INPP4B: variants seen among roughly 807,000 people sequenced by gnomAD.
INPP4B encodes inositol polyphosphate-4-phosphatase type II B.
A neutral mutation model predicts 122.5 loss-of-function variants in INPP4B; 55 were observed. The ratio of observed to expected loss-of-function variants is 0.45; its 90% CI spans 0.36 to 0.56. The LOEUF (loss-of-function observed/expected upper bound fraction) is 0.56. Ranked by LOEUF, INPP4B falls within the 20% of genes least tolerant of loss-of-function variation. The probability of loss-of-function intolerance (pLI) is 0.00; values close to 1 mark genes in which losing one functional copy is unlikely to be tolerated. For synonymous variants in INPP4B, 403 were observed against 388.7 expected (o/e 1.04, Z -0.43); for missense variants, 1,000 against 1,097.7 (o/e 0.91, Z 1.26).
chr4:142,457,679 T>C (rs947667693), intron 3 of INPP4B, among the ~76,000 whole-genome samples: 1 of 152,224 alleles, frequency 6.6e-6, no homozygotes, highest in Non-Finnish European at 1.5e-5. Context: ...AACCTTCCAA[T>C]GTATGGATCT....
chr4:142,374,804 TAA>T (rs1370669244), intron 7 of INPP4B, among the ~76,000 whole-genome samples: 1 of 151,892 alleles, frequency 6.6e-6, no homozygotes, highest in African/African-American at 2.4e-5. Flanking sequence ...GAGGTAGGTC[TAA>T]GAGAGGCATT....
At chr4:142,363,024 T>C (rs896396139) in intron 7 of INPP4B, among the ~76,000 whole-genome samples, 3 of 151,888 alleles carry the variant, frequency 2.0e-5, no homozygotes, top group Admixed American at 6.6e-5. Context: ...TGTGGAGGGG[T>C]AAAAGTAATT....
intron 1 of INPP4B, chr4:142,795,652 T>C (rs1292787828): frequency 6.6e-6 from 1 of 152,022 alleles, no homozygotes; most frequent in Non-Finnish European, 1.5e-5. Context: ...ACAGTATCTG[T>C]CACATAGTAG....
chr4:142,519,587 A>G (rs1414114253), intron 2 of INPP4B, among the ~76,000 whole-genome samples: 1 of 152,160 alleles, frequency 6.6e-6, no homozygotes, highest in East Asian at 1.9e-4. Flanking sequence ...GACAGTTTAA[A>G]GCAAATATGA....
At chr4:142,549,247 C>T (rs1217240749) in intron 2 of INPP4B, among the ~76,000 whole-genome samples, 2 of 152,078 alleles carry the variant, frequency 1.3e-5, no homozygotes, top group African/African-American at 2.4e-5. Context: ...TCTATGTTCA[C>T]CCCCATCACT....
At position 142,630,562 on chromosome 4, in the gene INPP4B, C is replaced by G. The variant is rs920857489; in HGVS notation, c.-191+95277G>C. 3.3e-5 allele frequency among the ~76,000 whole-genome samples: 5 copies of G among 152,068 alleles called. No homozygotes were observed. The Middle Eastern group carries it at 0.017, about 517-fold the overall frequency. ...AAATTAATACTGCTACTGAGGGCAA[C>G]TAGAAATCTGGATAAAATGTTATAA... On this transcript the variant is annotated intron_variant, in intron 2 of 25. Transcript: ENST00000262992.
intron 2 of INPP4B, 168 bp from the exon 3 acceptor site, chr4:142,462,894 T>G (rs1042865272): frequency 1.3e-5 from 2 of 152,214 alleles, no homozygotes; most frequent in African/African-American, 2.4e-5. Flanking sequence ...CTTATTTCTA[T>G]CCCAAATTAG....
At chr4:142,114,663 G>A (rs1452429236) in intron 21 of INPP4B, among the ~76,000 whole-genome samples, 2 of 152,012 alleles carry the variant, frequency 1.3e-5, no homozygotes, top group Non-Finnish European at 2.9e-5. Context: ...TTCTGAATAT[G>A]AGTCCTTTTT....
intron 16 of INPP4B, among the ~76,000 whole-genome samples, chr4:142,163,667 T>A (rs77590699): frequency 0.029 from 4,347 of 151,926 alleles, 192 homozygotes; most frequent in African/African-American, 0.099. Flanking sequence ...TAGCTATGCA[T>A]GTGTAGGAAA....
Position 142,112,690 on chromosome 4 carries a change from A to G in INPP4B, c.2136-8T>C. 1.9e-6 allele frequency: 3 copies of G among 1,602,358 alleles called. No homozygotes were observed. The South Asian group carries it at 3.4e-5, about 18-fold the overall frequency. On this transcript the variant is annotated splice_polypyrimidine_tract_variant and splice_region_variant and intron_variant, in intron 21 of 25. Transcript: ENST00000262992. ...TCTACCACGTAATGTTCTCTAAAGA[A>G]GGCAGAGGACAAAGGGAAGAAACAT...
chr4:142,328,306 A>C (rs901067503), intron 7 of INPP4B, among the ~76,000 whole-genome samples: 1 of 151,650 alleles, frequency 6.6e-6, no homozygotes, highest in Non-Finnish European at 1.5e-5. Flanking sequence ...ACAATAAACT[A>C]ACTACATACT....
At chr4:142,173,519 C>A (rs1826552912) in intron 16 of INPP4B, 113 bp downstream of exon 16, 5 of 840,580 alleles carry the variant, frequency 5.9e-6, no homozygotes, top group Non-Finnish European at 5.5e-6. Flanking sequence ...TACTTTTTAA[C>A]CTACTCTATT....
At chr4:142,622,947 T>C (rs2150380050) in intron 2 of INPP4B, among the ~76,000 whole-genome samples, 2 of 152,104 alleles carry the variant, frequency 1.3e-5, no homozygotes, top group Admixed American at 1.3e-4. Flanking sequence ...AAAAATTGTG[T>C]GTTAAGCCAA....
intron 7 of INPP4B, among the ~76,000 whole-genome samples, chr4:142,362,422 T>C (rs764969648): frequency 4.6e-5 from 7 of 151,834 alleles, no homozygotes; most frequent in Non-Finnish European, 8.8e-5. Flanking sequence ...GAAAAGGATA[T>C]GGTATCTTAC....
At chr4:142,039,223 T>C (rs1745812891) in intron 25 of INPP4B, among the ~76,000 whole-genome samples, 1 of 152,060 alleles carries the variant, frequency 6.6e-6, no homozygotes, top group African/African-American at 2.4e-5. Flanking sequence ...AATAGTGGAG[T>C]TGGGGGCAAA....
intron 7 of INPP4B, chr4:142,317,294 T>C: frequency 2.7e-6 from 1 of 375,816 alleles, no homozygotes; most frequent in Non-Finnish European, 5.4e-6. Context: ...AGCCCCTCGA[T>C]CTTATCAGGC....
At chr4:142,030,107 A>G in intron 25 of INPP4B, 1 of 1,497,244 alleles carries the variant, frequency 6.7e-7, no homozygotes, top group Non-Finnish European at 8.9e-7. Flanking sequence ...GTAGAAAAGA[A>G]AAAGGAATAC....
chr4:142,720,789 CTCTCTCTCTCTCTCTCTCTCTA>C (rs1232202083), intron 2 of INPP4B, among the ~76,000 whole-genome samples: 1 of 22,284 alleles, frequency 4.5e-5, no homozygotes, highest in African/African-American at 1.5e-4. Flanking sequence ...CTCTCTCTCT[CTCTCTCTCTCTCTCTCTCTCTA>C]TATATATATA....
intron 2 of INPP4B, among the ~76,000 whole-genome samples, chr4:142,668,127 C>T (rs564938089): frequency 6.6e-6 from 1 of 152,058 alleles, no homozygotes; most frequent in African/African-American, 2.4e-5. Context: ...ATGCAAAAAC[C>T]CTCAGTAAAA....
Sources: allele counts gnomAD v4.1 joint callset (sites outside exome capture counted in the v4.1 genomes callset), GRCh38; gene constraint gnomAD v4.1.1; transcripts MANE v1.5; gene names NCBI Gene and HGNC (gene_info 2026-07-23, HGNC 2026-07-21).